Variants in ZEB1 observed in about 807,000 individuals in gnomAD.
ZEB1 encodes zinc finger E-box-binding homeobox 1.
Under a neutral mutation model 84.9 loss-of-function variants are expected in ZEB1, and 21 were observed. The observed-to-expected ratio is 0.25, with a 90% CI of 0.18 to 0.36. ZEB1 has a LOEUF of 0.36. ZEB1 is among the 10% of genes least tolerant of loss of function. ZEB1 has a pLI of 1.00. For synonymous variants in ZEB1, 420 were observed against 471.1 expected (o/e 0.89, Z 1.41); for missense variants, 1,104 against 1,330.2 (o/e 0.83, Z 2.65).
intron 2 of ZEB1, among the ~76,000 whole-genome samples, chr10:31,477,571 A>G (rs1401928512): frequency 6.6e-6 from 1 of 152,142 alleles, no homozygotes; most frequent in Non-Finnish European, 1.5e-5. Flanking sequence ...AGCAAAAAGA[A>G]CAAAGCCAGA....
At chr10:31,381,345 A>T (rs1042350688) in intron 1 of ZEB1, among the ~76,000 whole-genome samples, 1 of 152,200 alleles carries the variant, frequency 6.6e-6, no homozygotes, top group Non-Finnish European at 1.5e-5. Context: ...TTCTGGGAAA[A>T]TATCCCATTC....
chr10:31,403,674 G>T (rs1300414279), intron 1 of ZEB1, among the ~76,000 whole-genome samples: 1 of 151,848 alleles, frequency 6.6e-6, no homozygotes, highest in Admixed American at 6.6e-5. Flanking sequence ...CGTTTACACT[G>T]CCTCCTTTAA....
At chr10:31,406,756 A>T (rs1469439809) in intron 1 of ZEB1, among the ~76,000 whole-genome samples, 1 of 151,916 alleles carries the variant, frequency 6.6e-6, no homozygotes. Context: ...TTGTTCATGA[A>T]GTGTTTGCTC....
chr10:31,407,234 A>G (rs1159597003), intron 1 of ZEB1, among the ~76,000 whole-genome samples: 2 of 132,240 alleles, frequency 1.5e-5, no homozygotes, highest in African/African-American at 5.6e-5. Flanking sequence ...TCCCAATGCT[A>G]TCCCTCCCCC....
chr10:31,474,083 G>T (rs1354090844), intron 2 of ZEB1, among the ~76,000 whole-genome samples: 10 of 152,144 alleles, frequency 6.6e-5, no homozygotes, highest in Non-Finnish European at 1.0e-4. Flanking sequence ...AGATTTAAAT[G>T]TTAAACCTAA....
intron 1 of ZEB1, among the ~76,000 whole-genome samples, chr10:31,364,581 G>C (rs923639431): frequency 6.6e-6 from 1 of 152,222 alleles, no homozygotes; most frequent in African/African-American, 2.4e-5. Flanking sequence ...GTGGCCTCAA[G>C]GGCCACCAGC....
At chr10:31,522,989 C>A (rs899030179) in intron 7 of ZEB1, among the ~76,000 whole-genome samples, 1 of 152,202 alleles carries the variant, frequency 6.6e-6, no homozygotes, top group Non-Finnish European at 1.5e-5. Flanking sequence ...CATAGACTCA[C>A]GTGTCACGTG....
intron 1 of ZEB1, among the ~76,000 whole-genome samples, chr10:31,380,443 T>C (rs1340964703): frequency 6.6e-6 from 1 of 152,188 alleles, no homozygotes; most frequent in Non-Finnish European, 1.5e-5. Context: ...GAGCATATAA[T>C]GTCTGCTTGT....
At chr10:31,363,234 C>T (rs1343138915) in intron 1 of ZEB1, 6 of 1,534,004 alleles carry the variant, frequency 3.9e-6, no homozygotes, top group Non-Finnish European at 5.2e-6. Flanking sequence ...CCTTCTCTGG[C>T]CACAGGGAGC....
rs145663174 is a variant in ZEB1, at chr10:31,421,467, T to C, written c.59-39570T>C. ...CTGCTATCTAGCAAAATTCAGTATC[T>C]TGCAAACTTAAGGCTGTCAGGCGTC... On this transcript the variant is annotated intron_variant, in intron 1 of 8. Transcript: ENST00000424869. Among the ~76,000 whole-genome samples, 5 of 152,264 alleles carry C rather than the reference T, an allele frequency of 3.3e-5. No individual in the cohort carries two copies. In the East Asian group the frequency reaches 9.6e-4, roughly 29 times the overall value.
chr10:31,429,038 A>C (rs1369067192), intron 1 of ZEB1, among the ~76,000 whole-genome samples: 1 of 152,122 alleles, frequency 6.6e-6, no homozygotes, highest in Non-Finnish European at 1.5e-5. Flanking sequence ...TGTGTCTTTT[A>C]ATTGGGGCAT....
chr10:31,458,437 G>A (rs1216520906), intron 1 of ZEB1, among the ~76,000 whole-genome samples: 1 of 151,448 alleles, frequency 6.6e-6, no homozygotes, highest in Non-Finnish European at 1.5e-5. Flanking sequence ...CTTATAGTCA[G>A]CTGTGAAACA....
intron 1 of ZEB1, chr10:31,362,919 A>G: frequency 3.3e-6 from 5 of 1,509,852 alleles, no homozygotes; most frequent in Non-Finnish European, 4.4e-6. Context: ...GCATGTTGCC[A>G]TGCTGGAGGC....
At chr10:31,365,594 T>A (rs1382465959) in intron 1 of ZEB1, among the ~76,000 whole-genome samples, 3 of 152,232 alleles carry the variant, frequency 2.0e-5, no homozygotes, top group Admixed American at 1.3e-4. Flanking sequence ...CCATACCTTA[T>A]ACTGTTGAGT....
intron 2 of ZEB1, among the ~76,000 whole-genome samples, chr10:31,467,777 A>G (rs1012259943): frequency 6.6e-6 from 1 of 152,094 alleles, no homozygotes; most frequent in Non-Finnish European, 1.5e-5. Context: ...TGGGTTTTTC[A>G]GGTGGTACAG....
At chr10:31,431,166 A>G (rs1463118158) in intron 1 of ZEB1, among the ~76,000 whole-genome samples, 1 of 152,208 alleles carries the variant, frequency 6.6e-6, no homozygotes, top group African/African-American at 2.4e-5. Flanking sequence ...TTGGGTGTAT[A>G]TATAAGCAGC....
In ZEB1 at chr10:31,492,089, T is replaced by C. The variant is rs145057164; in HGVS notation, c.260-3687T>C. Among the ~76,000 whole-genome samples, 659 of 152,040 alleles carry C rather than the reference T, an allele frequency of 4.3e-3. 1 individual carries two copies. Among genetic ancestry groups the C allele is most frequent in the Non-Finnish European group, 6.9e-3 (466 of 67,902 alleles). On this transcript the variant is annotated intron_variant, in intron 2 of 8. Transcript: ENST00000424869. The stretch of plus-strand genomic sequence containing the variant: ...ACTTACAGAATGAGAGAGATGTGAA[T>C]TGGCCTTTTAAAAATCTGTGGAAGT...
chr10:31,410,334 C>T (rs2054001060), intron 1 of ZEB1, among the ~76,000 whole-genome samples: 1 of 151,962 alleles, frequency 6.6e-6, no homozygotes, highest in Non-Finnish European at 1.5e-5. Flanking sequence ...TGTGTTGCAG[C>T]TTCATCCCAG....
intron 1 of ZEB1, among the ~76,000 whole-genome samples, chr10:31,323,421 CAG>C (rs1186051870): frequency 2.6e-5 from 4 of 151,964 alleles, no homozygotes; most frequent in African/African-American, 9.7e-5. Flanking sequence ...GATGGGTTGG[CAG>C]AGAGCTACTA....
Sources: gnomAD v4.1 joint callset for allele counts (sites outside exome capture counted in the v4.1 genomes callset) on GRCh38, gnomAD v4.1.1 for gene constraint, MANE v1.5 for transcripts, NCBI Gene and HGNC (gene_info 2026-07-23, HGNC 2026-07-21) for gene names.